DGKB: variants seen among roughly 807,000 people sequenced by gnomAD.
DGKB encodes the protein diacylglycerol kinase beta, also known as 90 kDa diacylglycerol kinase.
In DGKB, 67 loss-of-function variants were observed where a neutral mutation model predicts 114.3. The observed-to-expected ratio is 0.59, with a 90% confidence interval of 0.48 to 0.72. The LOEUF (loss-of-function observed/expected upper bound fraction) is 0.72, where lower values mean the gene tolerates loss of function less well. DGKB is among the 30% of genes least tolerant of loss of function. The pLI, the probability that DGKB is intolerant of heterozygous loss-of-function variation, is 0.00. For synonymous variants in DGKB, 398 were observed against 323.1 expected (o/e 1.23, Z -2.49); for missense variants, 907 against 975.2 (o/e 0.93, Z 0.93).
chr7:14,878,744 G>A (rs1398270857), intron 1 of DGKB, among the ~76,000 whole-genome samples: 1 of 109,882 alleles, frequency 9.1e-6, no homozygotes, highest in Non-Finnish European at 1.8e-5. Flanking sequence ...GTGAGACTCC[G>A]TCTCAAAAAA....
intron 19 of DGKB, 94 bp from the exon 20 acceptor site, chr7:14,574,466 T>C: frequency 2.0e-6 from 2 of 1,013,060 alleles, no homozygotes; most frequent in East Asian, 2.4e-5. Context: ...TATGTAATAT[T>C]CTAAAGGTAA....
At chr7:14,321,642 A>G (rs915375435) in intron 23 of DGKB, among the ~76,000 whole-genome samples, 1 of 151,934 alleles carries the variant, frequency 6.6e-6, no homozygotes, top group Admixed American at 6.6e-5. Flanking sequence ...GGGTAAAAAA[A>G]GAAGGAATGA....
intron 23 of DGKB, among the ~76,000 whole-genome samples, chr7:14,244,467 T>C (rs1250450076): frequency 2.0e-5 from 3 of 151,048 alleles, no homozygotes; most frequent in Admixed American, 6.6e-5. Context: ...TCATCCTGGC[T>C]AACACGGTGA....
intron 16 of DGKB, among the ~76,000 whole-genome samples, chr7:14,611,886 G>A (rs1407416312): frequency 1.3e-5 from 2 of 151,358 alleles, no homozygotes; most frequent in African/African-American, 4.8e-5. Context: ...AATTTCCAAT[G>A]TGGATTTAAG....
rs530495737 is a variant in DGKB at position 14,710,523 on chromosome 7, C to T, written c.466+8019G>A. 3.3e-3 allele frequency among the ~76,000 whole-genome samples: 500 copies of T among 152,234 alleles called. 1 individual carries two copies. Among genetic ancestry groups the T allele is most frequent in the African/African-American group, 0.012 (481 of 41,568 alleles). ...TATTGCCATGAGCAATGATCTCCAA[C>T]AGAAAGTTGAACTATACTTAGAGTA... On this transcript the variant is annotated intron_variant, in intron 6 of 25. Transcript: ENST00000402815.
intron 21 of DGKB, among the ~76,000 whole-genome samples, chr7:14,443,178 T>A (rs1167193408): frequency 6.6e-6 from 1 of 152,178 alleles, no homozygotes; most frequent in Non-Finnish European, 1.5e-5. Context: ...TTTGCATTAC[T>A]TGAGATTTGC....
chr7:14,859,683 C>T (rs12531670), intron 1 of DGKB, among the ~76,000 whole-genome samples: 50,089 of 152,034 alleles, frequency 0.33, 10,068 homozygotes, highest in Non-Finnish European at 0.45. Context: ...AAAGTAACTA[C>T]ATTATCTTGA....
chr7:14,367,436 C>T (rs1051246992), intron 21 of DGKB, among the ~76,000 whole-genome samples: 10 of 152,008 alleles, frequency 6.6e-5, no homozygotes, highest in African/African-American at 2.4e-4. Flanking sequence ...CACACTCTTG[C>T]CTGATGCCAT....
chr7:14,438,415 A>C (rs2128806950), intron 21 of DGKB, among the ~76,000 whole-genome samples: 1 of 152,246 alleles, frequency 6.6e-6, no homozygotes, highest in Non-Finnish European at 1.5e-5. Flanking sequence ...CTCATGTTCT[A>C]AACATTATTT....
chr7:14,555,059 A>G (rs1479055226), intron 20 of DGKB, among the ~76,000 whole-genome samples: 2 of 152,072 alleles, frequency 1.3e-5, no homozygotes, highest in Non-Finnish European at 2.9e-5. Flanking sequence ...ATTTACTTCT[A>G]TATTTTCTTC....
intron 14 of DGKB, 127 bp downstream of exon 14, chr7:14,630,108 GA>G (rs1297788657): frequency 1.9e-6 from 1 of 524,508 alleles, no homozygotes. Context: ...AGCAGAATAT[GA>G]AAAAAATAAA....
At chr7:14,350,566 A>T (rs975692477) in intron 21 of DGKB, among the ~76,000 whole-genome samples, 1 of 152,034 alleles carries the variant, frequency 6.6e-6, no homozygotes, top group African/African-American at 2.4e-5. Flanking sequence ...GCAACAAAAA[A>T]GTTTTGACTT....
At chr7:14,439,865 C>CAAAAAAAAAAAAAAAAAAAAAAATAAA (rs756256822) in intron 21 of DGKB, among the ~76,000 whole-genome samples, 1 of 104,098 alleles carries the variant, frequency 9.6e-6, no homozygotes. Flanking sequence ...ACTCTGTTTC[C>CAAAAAAAAAAAAAAAAAAAAAAATAAA]AAAAAAAAAA....
intron 21 of DGKB, among the ~76,000 whole-genome samples, chr7:14,464,078 G>T (rs922519743): frequency 6.6e-6 from 1 of 151,340 alleles, no homozygotes; most frequent in Non-Finnish European, 1.5e-5. Flanking sequence ...AAAAGCAATA[G>T]AATTTTTTTG....
At chr7:14,614,943 T>C (rs1171691801) in intron 15 of DGKB, among the ~76,000 whole-genome samples, 1 of 152,054 alleles carries the variant, frequency 6.6e-6, no homozygotes, top group Non-Finnish European at 1.5e-5. Flanking sequence ...GTACATAAAG[T>C]GTCTATTATC....
chr7:14,693,519 G>A (rs970975559), intron 9 of DGKB, among the ~76,000 whole-genome samples: 2 of 151,474 alleles, frequency 1.3e-5, no homozygotes, highest in African/African-American at 4.8e-5. Flanking sequence ...CCTGGCTCCT[G>A]CTGATACAGG....
chr7:14,682,704 A>C, intron 11 of DGKB, 35 bp from the exon 12 acceptor site: 1 of 1,605,796 alleles, frequency 6.2e-7, no homozygotes, highest in Non-Finnish European at 8.5e-7. Flanking sequence ...ATAAGAGGAC[A>C]CACTACATAA....
At chr7:14,767,298 T>TA (rs1468058249) in intron 2 of DGKB, among the ~76,000 whole-genome samples, 1 of 151,840 alleles carries the variant, frequency 6.6e-6, no homozygotes, top group Non-Finnish European at 1.5e-5. Flanking sequence ...AGGTCTGGCT[T>TA]AGAGTGGAGG....
chr7:14,521,275 C>A (rs1414878166), intron 20 of DGKB, among the ~76,000 whole-genome samples: 1 of 152,100 alleles, frequency 6.6e-6, no homozygotes, highest in Non-Finnish European at 1.5e-5. Flanking sequence ...ACCATTTGAC[C>A]TTTACAAAAA....
Sources: allele counts gnomAD v4.1 joint callset (sites outside exome capture counted in the v4.1 genomes callset), GRCh38; gene constraint gnomAD v4.1.1; transcripts MANE v1.5; gene names NCBI Gene and HGNC (gene_info 2026-07-23, HGNC 2026-07-21).